Variants in GDF5 observed in about 807,000 individuals in gnomAD.
GDF5 encodes growth/differentiation factor 5.
Under a neutral mutation model 34.6 loss-of-function variants are expected in GDF5, and 17 were observed. That is an observed-to-expected ratio of 0.49 (90% CI 0.34 to 0.74). The LOEUF (loss-of-function observed/expected upper bound fraction) is 0.74. Among genes scored for constraint, GDF5 ranks in the 30% least tolerant of loss-of-function variants. GDF5 has a pLI of 0.01. For missense variants in GDF5, 616 were observed against 661.2 expected, an observed-to-expected ratio of 0.93 and a Z score of 0.75; for synonymous variants, 332 against 290.7, an observed-to-expected ratio of 1.14 and a Z score of -1.44.
upstream of GDF5, among the ~76,000 whole-genome samples, chr20:35,441,837 C>G (rs971505210): frequency 6.6e-6 from 1 of 152,014 alleles, no homozygotes. Context: ...TGTTATTTAT[C>G]TTCATGACAA....
chr20:35,437,678 C>G lies in GDF5; in HGVS notation c.251G>C (p.Gly84Ala). The change falls in exon 1 of 2, where the codon GGA becomes GCA. Residue 84 changes from glycine (G) to alanine (A), a missense_variant. By Grantham distance (60) the Gly-to-Ala change is moderately conservative. Transcript: ENST00000374369. ...ATCCTTCTTGGGCTGTGTCAGGCCT[C>G]CTGTCTGCCCGGTGCCTCCCTTTGC... is the stretch of plus-strand genomic sequence containing the variant. ...ARAKGGTGQT[G>A]GLTQPKKDEP... The G allele has an allele frequency of 6.2e-7, 1 of 1,614,136 alleles. No homozygotes were observed. Among genetic ancestry groups the G allele is most frequent in the Non-Finnish European group, 8.5e-7 (1 of 1,179,994 alleles).
At position 35,434,142 on chromosome 20, in the gene GDF5, C is replaced by G. The variant is rs755107659; in HGVS notation, c.1273G>C (p.Glu425Gln). 1 of 1,614,036 alleles carries G rather than the reference C, an allele frequency of 6.2e-7. No homozygotes were observed. Among genetic ancestry groups the G allele is most frequent in the South Asian group, 1.1e-5 (1 of 91,082 alleles). ...CACAGCCCCTCGCAGTGGAAAGCCT[C>G]GTACTCAAGGGGTGCGATGATCCAG... ...DDWIIAPLEY[E>Q]AFHCEGLCEF... Residue 425 changes from glutamate (E) to glutamine (Q), a missense_variant, in exon 2 of 2, where the codon GAG becomes CAG. By Grantham distance (29) the Glu-to-Gln change is conservative (BLOSUM62 2). Transcript: ENST00000374369.
chr20:35,437,307 T>G lies in GDF5; in HGVS notation c.622A>C (p.Lys208Gln). The G allele has an allele frequency of 6.2e-7, 1 of 1,611,204 alleles. No homozygotes were observed. The highest frequency in any genetic ancestry group is 1.1e-5 in the South Asian group (1 of 90,986). ...CACCCCGCCCCCTCACCTTGCCCTT[T>G]GTCAATAAAGCTGGTGATGGTGTTG... ...LANTITSFID[K>Q]GQDDRGPVVR... The change falls in exon 1 of 2, where the codon AAA (lysine) becomes CAA (glutamine). Residue 208 changes from lysine (K) to glutamine (Q), a missense_variant. By Grantham distance (53) the Lys-to-Gln change is moderately conservative. Transcript: ENST00000374369.
intron 1 of GDF5, among the ~76,000 whole-genome samples, chr20:35,444,432 C>T (rs1339876877): frequency 1.3e-5 from 2 of 152,060 alleles, no homozygotes; most frequent in East Asian, 3.9e-4. Flanking sequence ...GTTGCAAAGG[C>T]CCTGAGGCCT....
upstream of GDF5, among the ~76,000 whole-genome samples, chr20:35,440,438 C>T (rs2062494224): frequency 6.6e-6 from 1 of 152,092 alleles, no homozygotes. Flanking sequence ...ACTGCCCTGT[C>T]CTCCTCATTG....
At chr20:35,450,754 A>G (rs1438925069) in intron 1 of GDF5, among the ~76,000 whole-genome samples, 1 of 151,946 alleles carries the variant, frequency 6.6e-6, no homozygotes, top group Non-Finnish European at 1.5e-5. Context: ...CCTAATAGTC[A>G]GCAGGCTTGT....
At position 35,435,146 on chromosome 20, in the gene GDF5, T is replaced by C; in HGVS notation, c.632-363A>G. The C allele has an allele frequency of 5.3e-6, 3 of 563,332 alleles. No individual in the cohort carries two copies. The South Asian group carries it at 7.4e-5, about 14-fold the overall frequency. The allele number at this position is 563,332 out of a possible 1,614,324, so 34.9% of individuals were successfully genotyped here. On this transcript the variant is annotated intron_variant, in intron 1 of 1. Coordinates refer to ENST00000374369, the MANE Select transcript of GDF5 (RefSeq NM_000557.5). ...TGTCTCATTTGTGAGATAGGTGGAG[T>C]GAGCATTAAAATTACTCCTGTTGAC...
intron 1 of GDF5, among the ~76,000 whole-genome samples, chr20:35,444,555 G>T (rs940132125): frequency 1.3e-5 from 2 of 152,100 alleles, no homozygotes; most frequent in African/African-American, 2.4e-5. Context: ...ATCTTGTATG[G>T]CCTTATAAGC....
At chr20:35,441,704 C>T (rs146422112), upstream of GDF5, among the ~76,000 whole-genome samples, 2,658 of 151,930 alleles carry the variant, frequency 0.017, 29 homozygotes, top group Non-Finnish European at 0.028. Context: ...CTGCCTGCCT[C>T]GGCCTCCCAA....
At chr20:35,445,750 ACC>A in intron 1 of GDF5, among the ~76,000 whole-genome samples, 1 of 151,628 alleles carries the variant, frequency 6.6e-6, no homozygotes, top group East Asian at 1.9e-4. Context: ...CGGGCAGATC[ACC>A]TGAGGTTGTG....
At chr20:35,439,644 C>A (rs1453409619), upstream of GDF5, among the ~76,000 whole-genome samples, 1 of 152,140 alleles carries the variant, frequency 6.6e-6, no homozygotes, top group East Asian at 1.9e-4. Context: ...GGGGAACCTT[C>A]GCCGTAGAGC....
chr20:35,434,696 C>T lies in GDF5; in HGVS notation c.719G>A (p.Arg240Gln), dbSNP rs1385244315. The change falls in exon 2 of 2, where the codon CGG becomes CAG. Residue 240 changes from arginine (R) to glutamine (Q), a missense_variant. By Grantham distance (43) the Arg-to-Gln change is conservative. Coordinates refer to ENST00000374369, the MANE Select transcript of GDF5 (RefSeq NM_000557.5). ...EKDGLLGAEL[R>Q]ILRKKPSDTA... ...GTCCGAGGGCTTCTTCCGCAAGATC[C>T]GCAGCTCGGCCCCCAGCAGCCCATC... 5.0e-6 allele frequency: 8 copies of T among 1,612,628 alleles called. No individual in the cohort carries two copies. The highest frequency in any genetic ancestry group is 1.7e-5 in the Admixed American group (1 of 59,998).
rs2062511855 is a variant in GDF5 at position 35,445,758 on chromosome 20, TTG to T, written c.-397-4373_-397-4372del. 2.0e-5 allele frequency among the ~76,000 whole-genome samples: 3 copies of T among 151,590 alleles called. No individual in the cohort carries two copies. The South Asian group carries it at 6.3e-4, about 32-fold the overall frequency. Reference sequence around the variant, plus strand: ...GCTGAGGCGGGCAGATCACCTGAGGTTGTGAGTTCGAGACCAGCCTGACCAAC... The same window carrying T: ...GCTGAGGCGGGCAGATCACCTGAGGTTGAGTTCGAGACCAGCCTGACCAAC... On this transcript the variant is annotated intron_variant, in intron 1 of 3. Transcript: ENST00000374372.
rs748783641 is a variant in GDF5 at position 35,437,473 on chromosome 20, G to A, written c.456C>T (p.Pro152=). 8.1e-6 allele frequency: 13 copies of A among 1,613,950 alleles called. No individual in the cohort carries two copies. The South Asian group carries it at 8.8e-5, about 11-fold the overall frequency. ...GCTCCTTGGGCTCTCGTGGGGGCCC[G>A]GGCTCCCTGGCCTTCTTCAGCAGGA... is the stretch of plus-strand genomic sequence containing the variant. ...SSFLLKKARE[P]GPPREPKEPF... Residue 152 remains proline (P), a synonymous_variant, in exon 1 of 2, where the codon CCC becomes CCT. Coordinates refer to ENST00000374369, the MANE Select transcript of GDF5 (RefSeq NM_000557.5).
chr20:35,452,508 C>T (rs918136008), intron 1 of GDF5, among the ~76,000 whole-genome samples: 19 of 152,296 alleles, frequency 1.2e-4, no homozygotes, highest in African/African-American at 3.4e-4. Flanking sequence ...CCGCAACCTC[C>T]GCCTCCCGGG....
chr20:35,453,349 G>A (rs1283036381), intron 1 of GDF5, among the ~76,000 whole-genome samples: 1 of 152,192 alleles, frequency 6.6e-6, no homozygotes, highest in Non-Finnish European at 1.5e-5. Context: ...ATTTAAGCTG[G>A]GACCTGAAGG....
upstream of GDF5, among the ~76,000 whole-genome samples, chr20:35,442,518 G>C (rs1453534560): frequency 6.6e-6 from 1 of 150,496 alleles, no homozygotes; most frequent in Non-Finnish European, 1.5e-5. Flanking sequence ...CCAGCCCGAA[G>C]GTAACTCTTG....
Position 35,434,690 on chromosome 20 carries a change from A to G in GDF5, c.725T>C (p.Leu242Ser). 6.2e-7 allele frequency: 1 copy of G among 1,612,984 alleles called. No individual in the cohort carries two copies. Among genetic ancestry groups the G allele is most frequent in the Non-Finnish European group, 8.5e-7 (1 of 1,179,732 alleles). Residue 242 changes from leucine (L) to serine (S), a missense_variant, in exon 2 of 2, where the codon TTG (leucine) becomes TCG (serine). Coordinates refer to ENST00000374369, the MANE Select transcript of GDF5 (RefSeq NM_000557.5). ...GGCCGTGTCCGAGGGCTTCTTCCGC[A>G]AGATCCGCAGCTCGGCCCCCAGCAG... ...DGLLGAELRI[L>S]RKKPSDTAKP... is the part of the protein sequence containing the mutation.
At chr20:35,439,146 C>A (rs1055141951), upstream of GDF5, among the ~76,000 whole-genome samples, 1 of 151,744 alleles carries the variant, frequency 6.6e-6, no homozygotes, top group Non-Finnish European at 1.5e-5. Flanking sequence ...CCAGCAGAGA[C>A]GTCCTCTGAG....
Sources: allele counts gnomAD v4.1 joint callset (sites outside exome capture counted in the v4.1 genomes callset), GRCh38; gene constraint gnomAD v4.1.1; transcripts MANE v1.5; gene names NCBI Gene and HGNC (gene_info 2026-07-23, HGNC 2026-07-21).